Variants in AOPEP observed in about 807,000 individuals in gnomAD.
AOPEP encodes the protein aminopeptidase O (putative), also known as aminopeptidase O.
In AOPEP, 77 loss-of-function variants were observed where a neutral mutation model predicts 98.1. That is an observed-to-expected ratio of 0.78 (90% CI 0.65 to 0.95). The LOEUF (loss-of-function observed/expected upper bound fraction) is 0.95. AOPEP is among the 40% of genes least tolerant of loss of function. AOPEP has a pLI of 0.00. For missense variants in AOPEP, 1,024 were observed against 1,024.7 expected (o/e 1.00, Z 0.01); for synonymous variants, 346 against 365.3 (o/e 0.95, Z 0.60).
chr9:94,976,003 GT>G (rs2059817083), intron 10 of AOPEP, among the ~76,000 whole-genome samples: 1 of 152,162 alleles, frequency 6.6e-6, no homozygotes, highest in African/African-American at 2.4e-5. Context: ...CCAGGACCCA[GT>G]CATGCATGGC....
At chr9:95,057,098 C>A (rs1343355989) in intron 13 of AOPEP, among the ~76,000 whole-genome samples, 2 of 152,166 alleles carry the variant, frequency 1.3e-5, no homozygotes, top group African/African-American at 4.8e-5. Context: ...CTGTTGGGCC[C>A]CCAGAAATAA....
intron 9 of AOPEP, among the ~76,000 whole-genome samples, chr9:94,961,552 T>C (rs2058843716): frequency 6.6e-6 from 1 of 152,222 alleles, no homozygotes; most frequent in African/African-American, 2.4e-5. Flanking sequence ...TTCCTTAATG[T>C]CTGTTCTTTT....
the AOPEP span, among the ~76,000 whole-genome samples, chr9:95,114,974 G>T: frequency 6.6e-5 from 10 of 152,128 alleles, no homozygotes; most frequent in Admixed American, 5.9e-4. Flanking sequence ...ACACGATCTT[G>T]CTTGGTCAGA....
intron 1 of AOPEP, among the ~76,000 whole-genome samples, chr9:94,742,294 C>A (rs1372583237): frequency 6.6e-6 from 1 of 152,122 alleles, no homozygotes; most frequent in Non-Finnish European, 1.5e-5. Context: ...TGGTAGCAGA[C>A]CAGTGGGGTG....
chr9:94,999,787 T>G (rs886584411), intron 11 of AOPEP, among the ~76,000 whole-genome samples: 16 of 152,000 alleles, frequency 1.1e-4, no homozygotes, highest in Non-Finnish European at 1.5e-4. Flanking sequence ...AATTGGGGTG[T>G]GTGTGTGTGT....
chr9:95,087,558 C>T (rs1318460311), downstream of AOPEP, among the ~76,000 whole-genome samples: 1 of 138,430 alleles, frequency 7.2e-6, no homozygotes, highest in Non-Finnish European at 1.6e-5. Flanking sequence ...TCCCCCCCCA[C>T]CTCACTAGTT....
chr9:95,108,575 G>A, the AOPEP span, among the ~76,000 whole-genome samples: 13 of 152,166 alleles, frequency 8.5e-5, no homozygotes, highest in Admixed American at 6.5e-5. Flanking sequence ...CTTGAACACC[G>A]ATAACTAACT....
At chr9:94,843,410 T>C (rs183851696) in intron 5 of AOPEP, among the ~76,000 whole-genome samples, 16 of 152,350 alleles carry the variant, frequency 1.1e-4, no homozygotes, top group Admixed American at 7.2e-4. Flanking sequence ...TGTGTGCTTA[T>C]TGACCTTTTT....
chr9:94,873,042 G>T (rs1242607547), intron 5 of AOPEP, among the ~76,000 whole-genome samples: 1 of 152,082 alleles, frequency 6.6e-6, no homozygotes, highest in East Asian at 1.9e-4. Context: ...AAATAAATAG[G>T]TTGAGGCGGA....
rs199893579 is a variant in AOPEP at position 94,760,086 on chromosome 9, C to A, written c.303C>A (p.Ile101=). ...SSEMEYNDFA[I]CSKGEKDTSD... is the part of the protein sequence containing the mutation. Reference sequence around the variant, plus strand: ...AAATGGAATATAATGATTTTGCAATCTGTAGTAAAGGTGAAAAAGATACTT... The same window carrying A: ...AAATGGAATATAATGATTTTGCAATATGTAGTAAAGGTGAAAAAGATACTT... The change falls in exon 2 of 17, where the codon ATC becomes ATA. Residue 101 remains isoleucine (I), a synonymous_variant. Transcript: ENST00000375315. 1.2e-6 allele frequency: 2 copies of A among 1,614,158 alleles called. No individual in the cohort carries two copies. Among genetic ancestry groups the A allele is most frequent in the Non-Finnish European group, 1.7e-6 (2 of 1,180,024 alleles).
the AOPEP span, among the ~76,000 whole-genome samples, chr9:95,094,590 T>C: frequency 6.6e-6 from 1 of 152,208 alleles, no homozygotes; most frequent in Admixed American, 6.5e-5. Flanking sequence ...TCTTTGTCCT[T>C]TTATGTCTGG....
intron 5 of AOPEP, among the ~76,000 whole-genome samples, chr9:94,812,890 T>TG (rs1850913677): frequency 6.6e-6 from 1 of 152,080 alleles, no homozygotes. Context: ...AGGAAGAAGC[T>TG]GAAGCACCAA....
chr9:94,728,239 G>GCACACACACACACA lies in AOPEP; in HGVS notation c.-136+1508_-136+1521dup, dbSNP rs78505500. On this transcript the variant is annotated intron_variant, in intron 1 of 16. Coordinates refer to ENST00000375315, the MANE Select transcript of AOPEP (RefSeq NM_001193329.3). ...TGTGATCCTTCCTGCGTGCGCGCAT[G>GCACACACACACACA]CACACACACACACACACACACACAC... 5.4e-3 allele frequency among the ~76,000 whole-genome samples: 788 copies of GCACACACACACACA among 146,586 alleles called. 6 individuals carry two copies. The highest frequency in any genetic ancestry group is 0.021 in the Admixed American group (308 of 14,616).
At chr9:95,146,136 T>G in the AOPEP span, among the ~76,000 whole-genome samples, 2 of 152,128 alleles carry the variant, frequency 1.3e-5, no homozygotes, top group South Asian at 4.2e-4. Flanking sequence ...ATGCATTGTA[T>G]AGCAAGGAAG....
At chr9:95,130,297 TGTGAGAGA>T in the AOPEP span, among the ~76,000 whole-genome samples, 3 of 147,592 alleles carry the variant, frequency 2.0e-5, no homozygotes, top group East Asian at 5.8e-4. Context: ...TGTGTGTGTG[TGTGAGAGA>T]GAGAGAGAGA....
chr9:94,835,633 A>C (rs2041502587), intron 5 of AOPEP, among the ~76,000 whole-genome samples: 1 of 152,208 alleles, frequency 6.6e-6, no homozygotes, highest in South Asian at 2.1e-4. Flanking sequence ...GTTTATGTTG[A>C]AATCTTGCTC....
At chr9:94,995,676 T>C (rs185741376) in intron 11 of AOPEP, among the ~76,000 whole-genome samples, 3 of 152,312 alleles carry the variant, frequency 2.0e-5, no homozygotes, top group East Asian at 1.9e-4. Context: ...AATATTTACA[T>C]AATAAATTGA....
chr9:94,813,913 A>G (rs1851161910), intron 5 of AOPEP, among the ~76,000 whole-genome samples: 1 of 152,210 alleles, frequency 6.6e-6, no homozygotes, highest in African/African-American at 2.4e-5. Flanking sequence ...CACCGCCACA[A>G]GAAGGAATTC....
chr9:94,827,956 C>G (rs1350617999), intron 5 of AOPEP, among the ~76,000 whole-genome samples: 1 of 152,028 alleles, frequency 6.6e-6, no homozygotes, highest in East Asian at 1.9e-4. Flanking sequence ...CTTGCATTTC[C>G]CGGACACAGA....
Sources: allele counts gnomAD v4.1 joint callset (sites outside exome capture counted in the v4.1 genomes callset), GRCh38; gene constraint gnomAD v4.1.1; transcripts MANE v1.5; gene names NCBI Gene and HGNC (gene_info 2026-07-23, HGNC 2026-07-21).